NAV3: variants seen among roughly 807,000 people sequenced by gnomAD.
NAV3 encodes the protein neuron navigator 3, also known as pore membrane and/or filament interacting like protein 1.
In NAV3, 87 loss-of-function variants were observed where a neutral mutation model predicts 244.7. That is an observed-to-expected ratio of 0.36 (90% confidence interval 0.30 to 0.42). The LOEUF is 0.42. Ranked by LOEUF, NAV3 falls within the 20% of genes least tolerant of loss-of-function variation. The pLI is 1.00. For synonymous variants in NAV3, 1,126 were observed against 1,042.2 expected, an observed-to-expected ratio of 1.08 and a Z score of -1.55; for missense variants, 2,663 against 2,893.3, an observed-to-expected ratio of 0.92 and a Z score of 1.83.
chr12:77,753,737 G>T (rs1868982669), intron 2 of NAV3, among the ~76,000 whole-genome samples: 1 of 152,210 alleles, frequency 6.6e-6, no homozygotes, highest in South Asian at 2.1e-4. Flanking sequence ...CACACAAGTG[G>T]TACCATTTAT....
intron 12 of NAV3, among the ~76,000 whole-genome samples, chr12:78,074,184 C>G (rs775463082): frequency 6.6e-6 from 1 of 152,038 alleles, no homozygotes; most frequent in Non-Finnish European, 1.5e-5. Context: ...TACAGGAATC[C>G]CAAAAAGGCT....
rs575982121 is a variant in NAV3, at chr12:77,588,333, G to A, written c.72+16067G>A. On this transcript the variant is annotated intron_variant, in intron 2 of 8. Transcript: ENST00000550042. ...AGGGTCCCACTACGTTGCCCAGGCT[G>A]GTCTTGAACTCCTGAGCTCAAGTGA... Among the ~76,000 whole-genome samples the A allele has an allele frequency of 2.6e-5, 4 of 151,972 alleles. No individual in the cohort carries two copies. The South Asian group carries it at 8.3e-4, about 32-fold the overall frequency.
At chr12:78,064,802 T>A (rs1478630614) in intron 12 of NAV3, among the ~76,000 whole-genome samples, 1 of 152,040 alleles carries the variant, frequency 6.6e-6, no homozygotes, top group African/African-American at 2.4e-5. Context: ...AATTAGCTCG[T>A]ATACAAGCTC....
Position 78,011,333 on chromosome 12 carries a change from T to A in NAV3, c.1907+3888T>A, listed in dbSNP as rs1018141429. ...TGTAACAGAAGATACAAAGATTTTT[T>A]AAAAAAATCTCTGCCTTCTGGGAGC... is the stretch of plus-strand genomic sequence containing the variant. On this transcript the variant is annotated intron_variant, in intron 8 of 39. Transcript: ENST00000397909. Among the ~76,000 whole-genome samples the A allele has an allele frequency of 5.2e-4, 79 of 152,240 alleles. 1 individual carries two copies. Among genetic ancestry groups the A allele is most frequent in the African/African-American group, 1.7e-3 (69 of 41,546 alleles).
intron 2 of NAV3, among the ~76,000 whole-genome samples, chr12:77,582,388 T>C (rs1348390678): frequency 6.6e-6 from 1 of 152,196 alleles, no homozygotes; most frequent in Non-Finnish European, 1.5e-5. Context: ...TGAAAAATAG[T>C]CCAGATTTGG....
chr12:77,786,078 C>G (rs1870891454), intron 2 of NAV3, among the ~76,000 whole-genome samples: 2 of 152,094 alleles, frequency 1.3e-5, no homozygotes, highest in South Asian at 4.1e-4. Flanking sequence ...CCCATGAAGT[C>G]TTTCCAGTAA....
chr12:77,735,870 A>G (rs1313799714), intron 2 of NAV3, among the ~76,000 whole-genome samples: 1 of 152,210 alleles, frequency 6.6e-6, no homozygotes, highest in Non-Finnish European at 1.5e-5. Flanking sequence ...TATATTTAGA[A>G]AGAGTTACTA....
intron 12 of NAV3, among the ~76,000 whole-genome samples, chr12:78,081,436 C>G (rs1435632452): frequency 2.6e-5 from 4 of 152,112 alleles, no homozygotes; most frequent in Admixed American, 2.6e-4. Context: ...GATTGCAACC[C>G]TTTATAGCAC....
chr12:77,919,408 A>G (rs148538430), intron 1 of NAV3, among the ~76,000 whole-genome samples: 93 of 152,190 alleles, frequency 6.1e-4, no homozygotes, highest in African/African-American at 2.0e-3. Context: ...ACATTGGAAT[A>G]TAAGAGTTGG....
chr12:77,897,678 C>T (rs1326056333), intron 1 of NAV3, among the ~76,000 whole-genome samples: 1 of 151,572 alleles, frequency 6.6e-6, no homozygotes, highest in Non-Finnish European at 1.5e-5. Context: ...CAATCCTGGG[C>T]TCCTATTTTG....
At chr12:77,877,637 T>C (rs1281284627) in intron 1 of NAV3, among the ~76,000 whole-genome samples, 1 of 152,110 alleles carries the variant, frequency 6.6e-6, no homozygotes, top group African/African-American at 2.4e-5. Flanking sequence ...ATGGGGATAA[T>C]AGACCAATCC....
chr12:77,871,321 G>A (rs974366766), intron 1 of NAV3, among the ~76,000 whole-genome samples: 2 of 151,984 alleles, frequency 1.3e-5, no homozygotes. Context: ...TAAGTTCTGG[G>A]ATACATGTGC....
At chr12:77,741,530 A>G (rs1370300097) in intron 2 of NAV3, among the ~76,000 whole-genome samples, 1 of 152,166 alleles carries the variant, frequency 6.6e-6, no homozygotes, top group Non-Finnish European at 1.5e-5. Context: ...TCTCACTGCC[A>G]GTATTCTATG....
At chr12:78,021,309 A>T in intron 8 of NAV3, among the ~76,000 whole-genome samples, 1 of 152,202 alleles carries the variant, frequency 6.6e-6, no homozygotes, top group Middle Eastern at 3.4e-3. Context: ...TCTAGAACAA[A>T]ATTATTTTTT....
intron 2 of NAV3, among the ~76,000 whole-genome samples, chr12:77,702,841 T>TAGGCTGTATTTCATATA (rs67731414): frequency 0.81 from 123,311 of 151,566 alleles, 52,712 homozygotes; most frequent in East Asian, 1. Flanking sequence ...ATTTTGTATT[T>TAGGCTGTATTTCATATA]GCCTCTATAT....
At chr12:77,811,315 GC>G (rs1872275920) in intron 2 of NAV3, among the ~76,000 whole-genome samples, 1 of 152,090 alleles carries the variant, frequency 6.6e-6, no homozygotes, top group South Asian at 2.1e-4. Context: ...AAAAGCCCCT[GC>G]CCTCCAGAAC....
At chr12:77,965,618 C>G (rs1283220903) in intron 3 of NAV3, among the ~76,000 whole-genome samples, 1 of 152,160 alleles carries the variant, frequency 6.6e-6, no homozygotes, top group African/African-American at 2.4e-5. Context: ...CATTCTGTCT[C>G]AAAATCAAAA....
chr12:77,859,617 A>AT (rs1555217230), intron 1 of NAV3, among the ~76,000 whole-genome samples: 251 of 79,980 alleles, frequency 3.1e-3, no homozygotes, highest in East Asian at 9.9e-3. Flanking sequence ...TTAAAGTGTA[A>AT]TAAAAAAAAA....
At chr12:78,008,410 T>C (rs1425267037) in intron 8 of NAV3, among the ~76,000 whole-genome samples, 1 of 152,194 alleles carries the variant, frequency 6.6e-6, no homozygotes, top group Non-Finnish European at 1.5e-5. Context: ...ATTAGAGATA[T>C]GTCAGTAACT....
Sources: allele counts gnomAD v4.1 joint callset (sites outside exome capture counted in the v4.1 genomes callset), GRCh38; gene constraint gnomAD v4.1.1; transcripts MANE v1.5; gene names NCBI Gene and HGNC (gene_info 2026-07-23, HGNC 2026-07-21).